Variants in KCNIP1 observed in about 807,000 individuals in gnomAD.
The protein encoded by KCNIP1 is potassium voltage-gated channel interacting protein 1.
In KCNIP1, 18 loss-of-function variants were observed where a neutral mutation model predicts 33.0. The ratio of observed to expected loss-of-function variants is 0.55; its 90% CI spans 0.38 to 0.81. KCNIP1 has a LOEUF of 0.81. KCNIP1 is among the 30% of genes least tolerant of loss of function. KCNIP1 has a pLI of 0.00. For synonymous variants in KCNIP1, 93 were observed against 98.3 expected (o/e 0.95, Z 0.32); for missense variants, 238 against 271.6 (o/e 0.88, Z 0.87).
intron 1 of KCNIP1, among the ~76,000 whole-genome samples, chr5:170,689,415 G>A (rs181973799): frequency 6.6e-6 from 1 of 152,270 alleles, no homozygotes; most frequent in Non-Finnish European, 1.5e-5. Flanking sequence ...ACTTTATGAG[G>A]AAGATACTAC....
intron 1 of KCNIP1, among the ~76,000 whole-genome samples, chr5:170,675,783 T>C (rs1225883194): frequency 1.3e-5 from 2 of 152,298 alleles, no homozygotes; most frequent in Admixed American, 6.5e-5. Context: ...CATTTTCTTA[T>C]CTATAAAACA....
upstream of KCNIP1, among the ~76,000 whole-genome samples, chr5:170,501,857 G>A (rs185857398): frequency 6.4e-4 from 98 of 152,276 alleles, no homozygotes; most frequent in African/African-American, 1.6e-3. Flanking sequence ...CTTCAGCCTC[G>A]CATGCCCTCT....
At chr5:170,674,146 A>C (rs1030025515) in intron 1 of KCNIP1, among the ~76,000 whole-genome samples, 2 of 52,452 alleles carry the variant, frequency 3.8e-5, no homozygotes, top group African/African-American at 1.1e-4. Context: ...GAAGGAAGGA[A>C]GGAAGGAAGG....
chr5:170,692,418 A>G (rs1370103034), intron 1 of KCNIP1, among the ~76,000 whole-genome samples: 3 of 152,254 alleles, frequency 2.0e-5, no homozygotes, highest in Non-Finnish European at 4.4e-5. Context: ...TCCGGAAATA[A>G]TAGCTTCCAT....
intron 1 of KCNIP1, among the ~76,000 whole-genome samples, chr5:170,536,733 G>A (rs1755999135): frequency 6.6e-6 from 1 of 152,142 alleles, no homozygotes; most frequent in South Asian, 2.1e-4. Flanking sequence ...TCCCACACCT[G>A]CAGTGCACCG....
intron 1 of KCNIP1, among the ~76,000 whole-genome samples, chr5:170,531,589 T>C (rs1755789806): frequency 6.6e-6 from 1 of 152,238 alleles, no homozygotes; most frequent in African/African-American, 2.4e-5. Flanking sequence ...GCTTCAAATC[T>C]CATAATTAGC....
At chr5:170,372,453 C>A (rs915881514) in intron 1 of KCNIP1, among the ~76,000 whole-genome samples, 2 of 152,086 alleles carry the variant, frequency 1.3e-5, no homozygotes, top group African/African-American at 2.4e-5. Flanking sequence ...AACCTCCAGC[C>A]CCTCTTCCCT....
chr5:170,687,185 ATT>A (rs540360161), intron 1 of KCNIP1, among the ~76,000 whole-genome samples: 2 of 145,858 alleles, frequency 1.4e-5, no homozygotes. Flanking sequence ...ACCTGAGTAA[ATT>A]TTTTTTTTTT....
At chr5:170,374,028 C>T (rs1445704672) in intron 1 of KCNIP1, among the ~76,000 whole-genome samples, 3 of 152,148 alleles carry the variant, frequency 2.0e-5, no homozygotes, top group Non-Finnish European at 4.4e-5. Flanking sequence ...CAAACTCCCC[C>T]AAACACAAGA....
chr5:170,598,642 C>A (rs1416218159), intron 1 of KCNIP1, among the ~76,000 whole-genome samples: 1 of 152,140 alleles, frequency 6.6e-6, no homozygotes, highest in Non-Finnish European at 1.5e-5. Flanking sequence ...GAGCTGGTTG[C>A]AGAGGAGAGC....
At chr5:170,644,062 C>A (rs1266107680) in intron 1 of KCNIP1, among the ~76,000 whole-genome samples, 1 of 152,224 alleles carries the variant, frequency 6.6e-6, no homozygotes, top group African/African-American at 2.4e-5. Context: ...GAAGCAGGAA[C>A]CAGTGCCCCT....
rs545889092 is a variant in KCNIP1, at chr5:170,630,683, G to C, written c.62-88075G>C. Among the ~76,000 whole-genome samples, 4 of 152,328 alleles carry C rather than the reference G, an allele frequency of 2.6e-5. No homozygotes were observed. In the South Asian group the frequency reaches 8.3e-4, roughly 32 times the overall value. ...ACAGGTGAGAACATCAAGACCAGGG[G>C]TCAGGGAATCTACTGGTAAACAATT... is the stretch of plus-strand genomic sequence containing the variant. On this transcript the variant is annotated intron_variant, in intron 1 of 7. Coordinates refer to ENST00000328939, the MANE Select transcript of KCNIP1 (RefSeq NM_014592.4).
At chr5:170,448,141 T>G (rs186729532) in intron 1 of KCNIP1, among the ~76,000 whole-genome samples, 14 of 148,696 alleles carry the variant, frequency 9.4e-5, no homozygotes, top group African/African-American at 3.3e-4. Flanking sequence ...ATTTCATCAT[T>G]GTTAGTAGTA....
intron 1 of KCNIP1, among the ~76,000 whole-genome samples, chr5:170,705,931 T>G (rs1763243758): frequency 6.6e-6 from 1 of 152,186 alleles, no homozygotes; most frequent in Admixed American, 6.5e-5. Context: ...GTAGAGCATC[T>G]TACATACCTT....
intron 1 of KCNIP1, among the ~76,000 whole-genome samples, chr5:170,526,986 G>T (rs1755598722): frequency 6.6e-6 from 1 of 152,110 alleles, no homozygotes. Flanking sequence ...GCCTCCCAAA[G>T]TTCTGGGATT....
intron 1 of KCNIP1, among the ~76,000 whole-genome samples, chr5:170,637,555 G>A (rs557503384): frequency 2.0e-5 from 3 of 152,130 alleles, no homozygotes; most frequent in African/African-American, 4.8e-5. Context: ...CAGATCTGAC[G>A]GCTCCATCCC....
chr5:170,379,028 A>G, intron 1 of KCNIP1: 2 of 1,581,930 alleles, frequency 1.3e-6, no homozygotes, highest in Non-Finnish European at 1.7e-6. Context: ...TTCTTAGCCA[A>G]GGGCTTGATA....
intron 1 of KCNIP1, chr5:170,422,718 A>C (rs1475482561): frequency 6.6e-6 from 1 of 152,238 alleles, no homozygotes; most frequent in Non-Finnish European, 1.5e-5. Flanking sequence ...TCATGATATT[A>C]ATAGATATAT....
Position 170,504,531 on chromosome 5 carries a change from G to A in KCNIP1, c.-42G>A, listed in dbSNP as rs1262216379. 6.2e-7 allele frequency: 1 copy of A among 1,610,932 alleles called. No homozygotes were observed. Among genetic ancestry groups the A allele is most frequent in the Middle Eastern group, 1.6e-4 (1 of 6,062 alleles). ...GATTTCTTTCCAGGGTAGGGGAGGG[G>A]CCGGGCCCGGGGTCCCAACTCGCAC... On this transcript the variant is annotated 5_prime_UTR_variant, in exon 1 of 8. Coordinates refer to ENST00000328939, the MANE Select transcript of KCNIP1 (RefSeq NM_014592.4). This position sits in a 1 kb window ranked among gnomAD's most constrained non-coding sequence, Gnocchi z 6.0.
Sources: allele counts gnomAD v4.1 joint callset (sites outside exome capture counted in the v4.1 genomes callset), GRCh38; gene constraint gnomAD v4.1.1; non-coding constraint Gnocchi (gnomAD v3.1); transcripts MANE v1.5; gene names NCBI Gene and HGNC (gene_info 2026-07-23, HGNC 2026-07-21).